DERL2: variants seen among roughly 807,000 people sequenced by gnomAD.
The protein encoded by DERL2 is derlin-2.
In DERL2, 13 loss-of-function variants were observed where a neutral mutation model predicts 32.0. The ratio of observed to expected loss-of-function variants is 0.41; its 90% CI spans 0.26 to 0.65. The LOEUF (loss-of-function observed/expected upper bound fraction) is 0.65, where lower values mean the gene tolerates loss of function less well. DERL2 is among the 30% of genes least tolerant of loss of function. DERL2 has a pLI of 0.35. For missense variants in DERL2, 208 were observed against 296.3 expected, an observed-to-expected ratio of 0.70 and a Z score of 2.19; for synonymous variants, 111 against 104.7, an observed-to-expected ratio of 1.06 and a Z score of -0.37.
Position 5,481,033 on chromosome 17 carries a change from C to T in DERL2, c.327+263G>A. ...GGTAGCCACCAAGTAAATGTCTTAC[C>T]AACTTAGTTTAAAAGTGAAGTACGC... On this transcript the variant is annotated intron_variant, in intron 4 of 6. Coordinates refer to ENST00000158771, the MANE Select transcript of DERL2 (RefSeq NM_016041.5). The surrounding 1 kb of genome is among the most constrained non-coding windows in gnomAD (Gnocchi z 4.4). 3.6e-6 allele frequency: 2 copies of T among 548,986 alleles called. No individual in the cohort carries two copies. Among genetic ancestry groups the T allele is most frequent in the African/African-American group, 1.9e-5 (1 of 51,398 alleles). 34.0% of individuals were successfully genotyped at this position (548,986 alleles called of 1,614,324 possible).
At chr17:5,486,802 C>T (rs1906364978), upstream of DERL2, 1 of 152,514 alleles carries the variant, frequency 6.6e-6, no homozygotes, top group African/African-American at 2.4e-5. Flanking sequence ...GGCCTCCGAC[C>T]TGAAGATCCC....
intron 2 of DERL2, 75 bp downstream of exon 2, chr17:5,485,076 T>TA (rs1312133327): frequency 3.6e-5 from 39 of 1,098,134 alleles, no homozygotes; most frequent in Non-Finnish European, 5.0e-5. Context: ...GGATAGTGTA[T>TA]AACAGGATTT....
At position 5,472,110 on chromosome 17, in the gene DERL2, G is replaced by A. The variant is rs894256783; in HGVS notation, c.*2574C>T. 12 of 152,228 alleles carry A rather than the reference G, an allele frequency of 7.9e-5. No individual in the cohort carries two copies. Among genetic ancestry groups the A allele is most frequent in the African/African-American group, 2.9e-4 (12 of 41,450 alleles). 9.4% of individuals were successfully genotyped at this position (152,228 alleles called of 1,614,324 possible). On this transcript the variant is annotated 3_prime_UTR_variant, in exon 7 of 7. Coordinates refer to ENST00000158771, the MANE Select transcript of DERL2 (RefSeq NM_016041.5). ...GTATATAAAATGTATCTCCTAAGGA[G>A]ATGCAATTTGTATGTCCATTTATTT... is the stretch of plus-strand genomic sequence containing the variant.
In DERL2 at chr17:5,482,865, G is replaced by A; in HGVS notation, c.177C>T (p.Thr59=). 1 of 1,503,768 alleles carries A rather than the reference G, an allele frequency of 6.6e-7. No individual in the cohort carries two copies. Among genetic ancestry groups the A allele is most frequent in the Non-Finnish European group, 9.1e-7 (1 of 1,099,306 alleles). The allele number at this position is 1,503,768 out of a possible 1,614,324, so 93.2% of individuals were successfully genotyped here. The change falls in exon 3 of 7, where the codon ACC becomes ACT. Residue 59 remains threonine, a synonymous_variant. Transcript: ENST00000158771. The part of the protein sequence containing the change: ...FKHFQIWRLI[T]NFLFFGPVGF... ...CAACTGGCCCAAAAAATAAGAAGTT[G>A]GTGATTAATCTCCATATCTGTTAAA...
chr17:5,480,444 A>C lies in DERL2; in HGVS notation c.466T>G (p.Trp156Gly). Residue 156 changes from tryptophan (W) to glycine (G), a missense_variant, in exon 5 of 7, where the codon TGG (tryptophan) becomes GGG (glycine). By Grantham distance (184) the Trp-to-Gly change is radical. Coordinates refer to ENST00000158771, the MANE Select transcript of DERL2 (RefSeq NM_016041.5). ...AACAAGGAAAATCCCATGAGCACCC[A>C]GGGCAGAAAGGGGGCCTGGAAGTTG... ...LLNFQAPFLP[W>G]VLMGFSLLLG... is the part of the protein sequence containing the mutation. 6.2e-7 allele frequency: 1 copy of C among 1,613,892 alleles called. No individual in the cohort carries two copies. The highest frequency in any genetic ancestry group is 8.5e-7 in the Non-Finnish European group (1 of 1,179,944).
chr17:5,483,906 C>G (rs1038615886), intron 2 of DERL2, among the ~76,000 whole-genome samples: 7 of 152,170 alleles, frequency 4.6e-5, no homozygotes, highest in Non-Finnish European at 5.9e-5. Flanking sequence ...GCTTTACAGA[C>G]CACTAAATTC....
upstream of DERL2, chr17:5,486,808 A>G (rs1805462): frequency 0.43 from 66,123 of 152,490 alleles, 16,936 homozygotes; most frequent in African/African-American, 0.72. Context: ...CGACCTGAAG[A>G]TCCCAGCATG....
upstream of DERL2, chr17:5,486,365 C>A: frequency 2.0e-6 from 1 of 503,708 alleles, no homozygotes; most frequent in East Asian, 3.5e-5. Flanking sequence ...CGCCCCCCCC[C>A]AGCGCCCCAT....
chr17:5,481,946 C>T lies in DERL2; in HGVS notation c.234-557G>A, dbSNP rs11871513. 3.3e-3 allele frequency among the ~76,000 whole-genome samples: 504 copies of T among 152,262 alleles called. 2 individuals are homozygous for T. The highest frequency in any genetic ancestry group is 5.5e-3 in the Non-Finnish European group (373 of 68,000). On this transcript the variant is annotated intron_variant, in intron 3 of 6. Coordinates refer to ENST00000158771, the MANE Select transcript of DERL2 (RefSeq NM_016041.5). This position sits in a 1 kb window ranked among gnomAD's most constrained non-coding sequence, Gnocchi z 4.4. Reference sequence around the variant, plus strand: ...ACAGGTGTGAGCCACCACACCCGGCCCTCCAGTCCCCTATTAAACCTTTAA... The same window carrying T: ...ACAGGTGTGAGCCACCACACCCGGCTCTCCAGTCCCCTATTAAACCTTTAA...
chr17:5,478,837 T>C (rs1442566521), intron 6 of DERL2, among the ~76,000 whole-genome samples: 9 of 152,244 alleles, frequency 5.9e-5, no homozygotes, highest in Admixed American at 3.9e-4. Flanking sequence ...AATTGTTTTT[T>C]GAGACAGGGT....
chr17:5,472,198 C>CT lies in DERL2; in HGVS notation c.*2485dup, dbSNP rs1263234212. 6.6e-6 allele frequency: 1 copy of CT among 152,196 alleles called. No individual in the cohort carries two copies. The highest frequency in any genetic ancestry group is 2.4e-5 in the African/African-American group (1 of 41,438). The allele number at this position is 152,196 out of a possible 1,614,324, so 9.4% of individuals were successfully genotyped here. A position where few individuals can be genotyped will look rare whatever the true frequency, so the allele number is the denominator to read the frequency against. On this transcript the variant is annotated 3_prime_UTR_variant, in exon 7 of 7. Coordinates refer to ENST00000158771, the MANE Select transcript of DERL2 (RefSeq NM_016041.5). ...AAACACTATGCTTTAGTCAAGTGTG[C>CT]TTTTCAGTATCACTAGAAGAATCCA...
chr17:5,475,876 T>C (rs1156369584), intron 6 of DERL2, among the ~76,000 whole-genome samples: 2 of 151,868 alleles, frequency 1.3e-5, no homozygotes, highest in East Asian at 3.9e-4. Flanking sequence ...AGGTACAGAG[T>C]AGTCAAATTC....
At chr17:5,480,335 C>T in intron 5 of DERL2, 52 bp downstream of exon 5, 1 of 1,540,954 alleles carries the variant, frequency 6.5e-7, no homozygotes, top group Non-Finnish European at 8.8e-7. Context: ...AAAATAGTAA[C>T]AAAATACTTT....
Position 5,481,470 on chromosome 17 carries a change from G to T in DERL2, c.234-81C>A. The T allele has an allele frequency of 1.1e-6, 1 of 932,828 alleles. No homozygotes were observed. The highest frequency in any genetic ancestry group is 1.7e-6 in the Non-Finnish European group (1 of 582,608). 57.8% of individuals were successfully genotyped at this position (932,828 alleles called of 1,614,324 possible). ...TTAATGTTATCTTGTAAGTACACTT[G>T]GATTCCATATTATTTGTAATTAGTC... is the stretch of plus-strand genomic sequence containing the variant. On this transcript the variant is annotated intron_variant, in intron 3 of 6. Transcript: ENST00000158771. The surrounding 1 kb of genome is among the most constrained non-coding windows in gnomAD (Gnocchi z 4.4).
Position 5,481,415 on chromosome 17 carries a change from T to G in DERL2, c.234-26A>C, listed in dbSNP as rs560668606. On this transcript the variant is annotated intron_variant, in intron 3 of 6. Coordinates refer to ENST00000158771, the MANE Select transcript of DERL2 (RefSeq NM_016041.5). The surrounding 1 kb of genome is among the most constrained non-coding windows in gnomAD (Gnocchi z 4.4). ...CTTAAGTTCCAAGTTAAGAAAATAT[T>G]AAGCACACGAATATGAACAAAGTAA... 7 of 1,517,094 alleles carry G rather than the reference T, an allele frequency of 4.6e-6. No individual in the cohort carries two copies. Among genetic ancestry groups the G allele is most frequent in the South Asian group, 2.2e-5 (2 of 88,956 alleles). 94.0% of individuals were successfully genotyped at this position (1,517,094 alleles called of 1,614,324 possible). A position where few individuals can be genotyped will look rare whatever the true frequency, so the allele number is the denominator to read the frequency against.
At chr17:5,476,653 T>G (rs181957531) in intron 6 of DERL2, among the ~76,000 whole-genome samples, 2 of 152,244 alleles carry the variant, frequency 1.3e-5, no homozygotes, top group East Asian at 1.9e-4. Context: ...TGGTGGCGCA[T>G]GCCTATGATC....
intron 6 of DERL2, among the ~76,000 whole-genome samples, 196 bp downstream of exon 6, chr17:5,479,851 TGACGTTG>T (rs1905653636): frequency 6.6e-6 from 1 of 152,208 alleles, no homozygotes. Context: ...TTGAGCCTGT[TGACGTTG>T]GTCTTGCCAC....
At chr17:5,480,616 A>G (rs749493446) in intron 4 of DERL2, 34 bp from the exon 5 acceptor site, 38 of 1,451,412 alleles carry the variant, frequency 2.6e-5, no homozygotes, top group Non-Finnish European at 3.5e-5. Context: ...TATCAACATT[A>G]AAAGTTTAAT....
rs1425079904 is a variant in DERL2 at position 5,477,309 on chromosome 17, T to C, written c.615-2520A>G. Reference sequence around the variant, plus strand: ...GAAGTTGTAGAACATGAAAAACTAATCTACAGAGGAACAAAACCAGAATAG... The same window carrying C: ...GAAGTTGTAGAACATGAAAAACTAACCTACAGAGGAACAAAACCAGAATAG... On this transcript the variant is annotated intron_variant, in intron 6 of 6. Transcript: ENST00000158771. Among the ~76,000 whole-genome samples, 3 of 152,136 alleles carry C rather than the reference T, an allele frequency of 2.0e-5. No individual in the cohort carries two copies. In the East Asian group the frequency reaches 5.8e-4, roughly 29 times the overall value.
Sources: gnomAD v4.1 joint callset for allele counts (sites outside exome capture counted in the v4.1 genomes callset) on GRCh38, gnomAD v4.1.1 for gene constraint, Gnocchi (gnomAD v3.1) non-coding constraint, MANE v1.5 for transcripts, NCBI Gene and HGNC (gene_info 2026-07-23, HGNC 2026-07-21) for gene names.